Variants in TAF3 observed in about 807,000 individuals in gnomAD.
The protein encoded by TAF3 is transcription initiation factor TFIID subunit 3.
TAF3 carries 7 observed loss-of-function variants against 80.6 expected under a neutral mutation model. That is an observed-to-expected ratio of 0.09 (90% CI 0.05 to 0.16). TAF3 has a LOEUF of 0.16. Ranked by LOEUF, TAF3 falls within the 10% of genes least tolerant of loss-of-function variation. TAF3 has a pLI of 1.00. For synonymous variants in TAF3, 444 were observed against 446.1 expected (o/e 1.00, Z 0.06); for missense variants, 921 against 1,140.2 (o/e 0.81, Z 2.77).
intron 4 of TAF3, among the ~76,000 whole-genome samples, chr10:7,987,958 A>G (rs1285439618): frequency 6.6e-6 from 1 of 152,204 alleles, no homozygotes; most frequent in East Asian, 1.9e-4. Context: ...TCATGTGAAC[A>G]TAATACTACA....
chr10:7,977,595 G>A (rs1318638690), intron 4 of TAF3, among the ~76,000 whole-genome samples: 1 of 151,680 alleles, frequency 6.6e-6, no homozygotes, highest in Non-Finnish European at 1.5e-5. Flanking sequence ...TAGTCTTTAA[G>A]GTCCCACTTA....
At chr10:7,923,767 A>G (rs1017673278) in intron 2 of TAF3, among the ~76,000 whole-genome samples, 2 of 152,110 alleles carry the variant, frequency 1.3e-5, no homozygotes, top group Non-Finnish European at 2.9e-5. Flanking sequence ...AAATATTGCT[A>G]TAGTTGATCA....
chr10:7,964,579 A>G lies in TAF3; in HGVS notation c.1069A>G (p.Ile357Val), dbSNP rs769047026. Residue 357 changes from isoleucine (I) to valine (V), a missense_variant, in exon 3 of 7, where the codon ATC becomes GTC. Physicochemically the swap from Ile to Val is conservative, Grantham distance 29. Around this residue, in one of 6 missense-constraint regions of TAF3, gnomAD observed 743 missense variants for 821.0 expected, o/e 0.90. Transcript: ENST00000344293. The surrounding 1 kb of genome is among the most constrained non-coding windows in gnomAD (Gnocchi z 4.1). ...CAGTGAAAAAATCAGTAAAGAGACT[A>G]TCCAGGTAAAACAAATACAGACACC... ...TLSEKISKET[I>V]QVKQIQTPPD... 10 of 1,614,026 alleles carry G rather than the reference A, an allele frequency of 6.2e-6. No homozygotes were observed. In the South Asian group the frequency reaches 1.1e-4, roughly 18 times the overall value.
At chr10:7,838,913 T>G (rs1056226531) in intron 2 of TAF3, among the ~76,000 whole-genome samples, 1 of 141,056 alleles carries the variant, frequency 7.1e-6, no homozygotes, top group African/African-American at 2.6e-5. Context: ...TGCTTGTTTT[T>G]TTTTTTTTTT....
intron 2 of TAF3, among the ~76,000 whole-genome samples, chr10:7,935,390 G>T (rs1386964028): frequency 2.0e-5 from 3 of 152,048 alleles, no homozygotes; most frequent in East Asian, 3.9e-4. Flanking sequence ...GAGGTCAGGA[G>T]ATCGAGACCA....
At chr10:7,912,392 G>A (rs1400675483) in intron 2 of TAF3, among the ~76,000 whole-genome samples, 1 of 152,186 alleles carries the variant, frequency 6.6e-6, no homozygotes, top group Non-Finnish European at 1.5e-5. Context: ...GAGCCACTGA[G>A]CCTGGCCAAA....
At chr10:7,910,829 G>C (rs1387879019) in intron 2 of TAF3, among the ~76,000 whole-genome samples, 4 of 152,150 alleles carry the variant, frequency 2.6e-5, no homozygotes. Flanking sequence ...TCACAAACCA[G>C]ACTAGATTTT....
intron 1 of TAF3, among the ~76,000 whole-genome samples, chr10:7,822,829 C>T (rs546152484): frequency 1.4e-4 from 22 of 152,174 alleles, no homozygotes; most frequent in South Asian, 2.1e-4. Context: ...ATGTAGAGAC[C>T]TTAAGCTCTG....
chr10:7,853,171 TC>T (rs1837045600), intron 2 of TAF3, among the ~76,000 whole-genome samples: 1 of 152,194 alleles, frequency 6.6e-6, no homozygotes, highest in Admixed American at 6.5e-5. Flanking sequence ...TTTAAAAAAA[TC>T]ATATAAACTT....
chr10:8,012,438 A>C (rs1056860783), intron 5 of TAF3, among the ~76,000 whole-genome samples: 5 of 152,172 alleles, frequency 3.3e-5, no homozygotes, highest in African/African-American at 4.8e-5. Flanking sequence ...GTAAGCTATG[A>C]GGTATTTGGT....
At chr10:7,833,121 G>A (rs1237218914) in intron 2 of TAF3, among the ~76,000 whole-genome samples, 2 of 152,202 alleles carry the variant, frequency 1.3e-5, no homozygotes, top group Admixed American at 6.5e-5. Context: ...TGGACACTTA[G>A]GTTATTTCTG....
chr10:7,858,830 G>GCA (rs145275293), intron 2 of TAF3, among the ~76,000 whole-genome samples: 6,684 of 151,680 alleles, frequency 0.044, 168 homozygotes, highest in Non-Finnish European at 0.064. Context: ...GTGTGTGTGC[G>GCA]CGCGCCTGCA....
intron 2 of TAF3, among the ~76,000 whole-genome samples, chr10:7,903,083 A>G (rs553022126): frequency 6.6e-6 from 1 of 152,252 alleles, no homozygotes; most frequent in South Asian, 2.1e-4. Flanking sequence ...TTATCCTGGC[A>G]TGGTGACACA....
chr10:7,977,692 A>G (rs1831687273), intron 4 of TAF3, among the ~76,000 whole-genome samples: 1 of 152,228 alleles, frequency 6.6e-6, no homozygotes, highest in African/African-American at 2.4e-5. Context: ...CCAAGTACAT[A>G]GTATCTGTCA....
chr10:7,842,776 G>T (rs998457334), intron 2 of TAF3, among the ~76,000 whole-genome samples: 3 of 151,944 alleles, frequency 2.0e-5, no homozygotes, highest in African/African-American at 2.4e-5. Flanking sequence ...ACCTCCATTG[G>T]ATAATTATTA....
intron 2 of TAF3, among the ~76,000 whole-genome samples, chr10:7,942,679 C>T (rs745389298): frequency 1.3e-5 from 2 of 152,160 alleles, no homozygotes; most frequent in Non-Finnish European, 2.9e-5. Flanking sequence ...TCCCAAGAAG[C>T]GCTGGGGAAT....
At chr10:7,943,052 T>C (rs879233767) in intron 2 of TAF3, among the ~76,000 whole-genome samples, 1 of 152,226 alleles carries the variant, frequency 6.6e-6, no homozygotes, top group Non-Finnish European at 1.5e-5. Flanking sequence ...TGTCTGTGTT[T>C]GTTTACTCCC....
chr10:8,004,733 A>G (rs1304281839), intron 4 of TAF3, among the ~76,000 whole-genome samples: 1 of 152,086 alleles, frequency 6.6e-6, no homozygotes, highest in Non-Finnish European at 1.5e-5. Flanking sequence ...GATATTTTAT[A>G]GCTTCACTTT....
chr10:8,011,577 A>G (rs948130008), intron 5 of TAF3, among the ~76,000 whole-genome samples: 1 of 152,142 alleles, frequency 6.6e-6, no homozygotes, highest in Admixed American at 6.5e-5. Flanking sequence ...CGCCTGGCCT[A>G]TTATTAAATT....
Sources: gnomAD v4.1 joint callset for allele counts (sites outside exome capture counted in the v4.1 genomes callset) on GRCh38, gnomAD v4.1.1 for gene constraint, gnomAD v4.1.1 regional missense constraint, Gnocchi (gnomAD v3.1) non-coding constraint, MANE v1.5 for transcripts, NCBI Gene and HGNC (gene_info 2026-07-23, HGNC 2026-07-21) for gene names.